The following PYM1 variants were observed in gnomAD, a reference collection of about 807,000 sequenced individuals.
PYM1 encodes the protein partner of Y14 and mago.
Under a neutral mutation model 20.7 loss-of-function variants are expected in PYM1, and 7 were observed. The ratio of observed to expected loss-of-function variants is 0.34; its 90% CI spans 0.19 to 0.64. The LOEUF (loss-of-function observed/expected upper bound fraction) is 0.64. Ranked by LOEUF, PYM1 falls within the 30% of genes least tolerant of loss-of-function variation. The probability of loss-of-function intolerance (pLI) is 0.74; values close to 1 mark genes in which losing one functional copy is unlikely to be tolerated. For missense variants in PYM1, 194 were observed against 250.0 expected (o/e 0.78, Z 1.51); for synonymous variants, 100 against 99.2 (o/e 1.01, Z -0.05).
chr12:55,916,723 G>A (rs549600171), intron 1 of PYM1, among the ~76,000 whole-genome samples: 24 of 152,042 alleles, frequency 1.6e-4, no homozygotes, highest in African/African-American at 4.6e-4. Flanking sequence ...ACTTGAACCC[G>A]GGAGGTGGAT....
intron 1 of PYM1, among the ~76,000 whole-genome samples, chr12:55,922,625 C>T (rs1251092588): frequency 6.6e-6 from 1 of 151,566 alleles, no homozygotes; most frequent in Non-Finnish European, 1.5e-5. Flanking sequence ...CTCAAAAAAA[C>T]AAAAATATTA....
intron 1 of PYM1, 55 bp downstream of exon 1, chr12:55,927,670 C>G (rs528099208): frequency 5.9e-6 from 9 of 1,534,210 alleles, no homozygotes; most frequent in Middle Eastern, 2.3e-4. Flanking sequence ...CCCACTCAAC[C>G]ACCAGAGACC....
In PYM1 at chr12:55,910,252, C is replaced by CATATATATAT. The variant is rs71074876; in HGVS notation, c.38-6782_38-6773dup. On this transcript the variant is annotated intron_variant, in intron 1 of 2. Coordinates refer to ENST00000408946, the MANE Select transcript of PYM1 (RefSeq NM_032345.3). ...GCTTGAGGTACGGCTTGGTTTTATA[C>CATATATATAT]ATATATATATATATATATATATATA... 3.6e-4 allele frequency among the ~76,000 whole-genome samples: 52 copies of CATATATATAT among 142,750 alleles called. 1 individual carries two copies. Among genetic ancestry groups the CATATATATAT allele is most frequent in the Admixed American group, 1.9e-3 (26 of 13,848 alleles). 93.6% of individuals were successfully genotyped at this position (142,750 alleles called of 152,430 possible).
intron 1 of PYM1, among the ~76,000 whole-genome samples, 189 bp from the exon 2 acceptor site, chr12:55,903,669 T>C (rs1453493703): frequency 6.6e-6 from 1 of 152,066 alleles, no homozygotes; most frequent in Non-Finnish European, 1.5e-5. Flanking sequence ...CAATACACCG[T>C]ACAAGAAACC....
At chr12:55,906,867 C>A (rs898140519) in intron 1 of PYM1, among the ~76,000 whole-genome samples, 2 of 151,892 alleles carry the variant, frequency 1.3e-5, no homozygotes, top group Non-Finnish European at 2.9e-5. Context: ...AGGCTGGTAG[C>A]AAACTCCCGA....
intron 1 of PYM1, among the ~76,000 whole-genome samples, chr12:55,907,191 C>T (rs974387730): frequency 4.0e-5 from 6 of 151,572 alleles, no homozygotes; most frequent in Admixed American, 1.3e-4. Context: ...AGGCCAGATG[C>T]GGCGGTTCAC....
chr12:55,912,102 A>G (rs1882933745), intron 1 of PYM1, among the ~76,000 whole-genome samples: 1 of 151,914 alleles, frequency 6.6e-6, no homozygotes, highest in Admixed American at 6.6e-5. Flanking sequence ...TAATGCCAAC[A>G]CTTTGGGAAG....
chr12:55,910,462 T>C (rs962068599), intron 1 of PYM1, among the ~76,000 whole-genome samples: 2 of 151,708 alleles, frequency 1.3e-5, no homozygotes, highest in Non-Finnish European at 1.5e-5. Flanking sequence ...TTTTGTTTTT[T>C]GACACAGTCT....
intron 1 of PYM1, among the ~76,000 whole-genome samples, chr12:55,910,192 G>C (rs1161673736): frequency 6.6e-6 from 1 of 151,630 alleles, no homozygotes; most frequent in Non-Finnish European, 1.5e-5. Flanking sequence ...CTCTGACACT[G>C]ACCTTAGGAG....
At chr12:55,921,952 A>G (rs1329149101) in intron 1 of PYM1, among the ~76,000 whole-genome samples, 1 of 152,138 alleles carries the variant, frequency 6.6e-6, no homozygotes, top group African/African-American at 2.4e-5. Context: ...TCACGGCTCA[A>G]TGCAGCCTCA....
chr12:55,914,335 A>T, intron 1 of PYM1: 1 of 702,350 alleles, frequency 1.4e-6, no homozygotes, highest in Middle Eastern at 2.3e-4. Context: ...GGTGAAGTCA[A>T]AAAGAAGGGA....
chr12:55,902,881 C>T (rs1882720500), intron 2 of PYM1, among the ~76,000 whole-genome samples: 2 of 152,084 alleles, frequency 1.3e-5, no homozygotes, highest in South Asian at 4.1e-4. Flanking sequence ...GATTCTCCTG[C>T]CTCAGCCTCC....
rs755505717 is a variant in PYM1, at chr12:55,901,852, T to C, written c.*20A>G. The stretch of plus-strand genomic sequence containing the variant: ...GCCCCACGGTTTGTTCTGCAGTCCA[T>C]TCCCTATTCCCCAAAGGCCTCAGAG... On this transcript the variant is annotated 3_prime_UTR_variant, in exon 3 of 3. Transcript: ENST00000408946. 1 of 1,584,812 alleles carries C rather than the reference T, an allele frequency of 6.3e-7. No individual in the cohort carries two copies. Among genetic ancestry groups the C allele is most frequent in the African/African-American group, 1.4e-5 (1 of 73,450 alleles).
chr12:55,907,455 C>G (rs896643793), intron 1 of PYM1, among the ~76,000 whole-genome samples: 1 of 98,874 alleles, frequency 1.0e-5, no homozygotes, highest in Non-Finnish European at 1.9e-5. Flanking sequence ...CCTGTCTCTA[C>G]ATAAATACAA....
At chr12:55,907,451 T>C in intron 1 of PYM1, among the ~76,000 whole-genome samples, 1 of 126,510 alleles carries the variant, frequency 7.9e-6, no homozygotes, top group Non-Finnish European at 1.6e-5. Flanking sequence ...AAACCCTGTC[T>C]CTACATAAAT....
At chr12:55,925,693 A>C (rs779024679) in intron 1 of PYM1, among the ~76,000 whole-genome samples, 3 of 152,172 alleles carry the variant, frequency 2.0e-5, no homozygotes, top group Non-Finnish European at 2.9e-5. Flanking sequence ...GGACATAGTA[A>C]AGGAAAACAA....
chr12:55,926,095 T>C (rs1883181972), intron 1 of PYM1, among the ~76,000 whole-genome samples: 1 of 152,176 alleles, frequency 6.6e-6, no homozygotes, highest in African/African-American at 2.4e-5. Context: ...ACAGGCACAC[T>C]GTTGCTTCTA....
At chr12:55,911,456 C>T (rs1248848484) in intron 1 of PYM1, among the ~76,000 whole-genome samples, 4 of 152,172 alleles carry the variant, frequency 2.6e-5, no homozygotes, top group Non-Finnish European at 4.4e-5. Flanking sequence ...CTACAAAGGT[C>T]GGCTTTGCAG....
At position 55,902,269 on chromosome 12, in the gene PYM1, G is replaced by A. The variant is rs201814214; in HGVS notation, c.218C>T (p.Pro73Leu). 1.5e-5 allele frequency: 25 copies of A among 1,614,182 alleles called. No individual in the cohort carries two copies. The Admixed American group carries it at 4.2e-4, about 27-fold the overall frequency. Reference protein sequence around the residue: ...LSPEATAPVTPSRPEGGEPGL... With the variant: ...LSPEATAPVTLSRPEGGEPGL... ...TGGTTCACCACCTTCAGGCCTGGAT[G>A]GGGTGACAGGAGCAGTGGCCTCAGG... Residue 73 changes from proline (P) to leucine (L), a missense_variant, in exon 3 of 3, where the codon CCA becomes CTA. Transcript: ENST00000408946.
Sources: allele counts gnomAD v4.1 joint callset (sites outside exome capture counted in the v4.1 genomes callset), GRCh38; gene constraint gnomAD v4.1.1; transcripts MANE v1.5; gene names NCBI Gene and HGNC (gene_info 2026-07-23, HGNC 2026-07-21).